NSG2: variants seen among roughly 807,000 people sequenced by gnomAD.
NSG2 encodes neuronal vesicle trafficking associated 2.
NSG2 carries 4 observed loss-of-function variants against 16.9 expected under a neutral mutation model. The observed-to-expected ratio is 0.24, with a 90% CI of 0.12 to 0.54. The LOEUF (loss-of-function observed/expected upper bound fraction) is 0.54, where lower values mean the gene tolerates loss of function less well. Among genes scored for constraint, NSG2 ranks in the 20% least tolerant of loss-of-function variants. The pLI, the probability that NSG2 is intolerant of heterozygous loss-of-function variation, is 0.95. For synonymous variants in NSG2, 98 were observed against 88.7 expected (o/e 1.11, Z -0.59); for missense variants, 179 against 221.1 (o/e 0.81, Z 1.21).
intron 3 of NSG2, among the ~76,000 whole-genome samples, chr5:174,094,466 G>GA (rs1185240918): frequency 1.3e-5 from 2 of 152,132 alleles, no homozygotes; most frequent in African/African-American, 4.8e-5. Flanking sequence ...AACAGATGAA[G>GA]AAAAAGGGGC....
intron 3 of NSG2, among the ~76,000 whole-genome samples, chr5:174,073,573 C>T (rs1760280696): frequency 6.6e-6 from 1 of 152,140 alleles, no homozygotes; most frequent in Non-Finnish European, 1.5e-5. Context: ...TGTCCAGGTG[C>T]TTTCGCCTGG....
intron 3 of NSG2, among the ~76,000 whole-genome samples, chr5:174,079,237 TTCTC>T (rs1004594670): frequency 6.1e-5 from 9 of 146,678 alleles, no homozygotes; most frequent in Non-Finnish European, 1.2e-4. Context: ...CTGCATGTCT[TTCTC>T]TCTCTTTCTC....
At chr5:174,091,990 T>G (rs897399078) in intron 3 of NSG2, among the ~76,000 whole-genome samples, 10 of 152,150 alleles carry the variant, frequency 6.6e-5, no homozygotes, top group African/African-American at 2.4e-4. Context: ...AGGATGTGAG[T>G]TTCTTGCCCT....
At chr5:174,087,789 A>AC (rs1262265512) in intron 3 of NSG2, among the ~76,000 whole-genome samples, 53 of 142,706 alleles carry the variant, frequency 3.7e-4, no homozygotes, top group Middle Eastern at 3.8e-3. Context: ...CCCTGTGTCA[A>AC]AAAAAAAAAA....
chr5:174,102,085 G>C (rs1242710644), intron 3 of NSG2, among the ~76,000 whole-genome samples: 3 of 152,108 alleles, frequency 2.0e-5, no homozygotes, highest in Non-Finnish European at 2.9e-5. Flanking sequence ...GACAGCACAT[G>C]GTGTCAACAG....
Position 174,108,175 on chromosome 5 carries a change from G to A in NSG2, c.*670G>A, listed in dbSNP as rs995483499. The A allele has an allele frequency of 3.7e-5, 7 of 187,710 alleles. No individual in the cohort carries two copies. Among genetic ancestry groups the A allele is most frequent in the South Asian group, 9.6e-5 (1 of 10,386 alleles). 11.6% of individuals were successfully genotyped at this position (187,710 alleles called of 1,614,324 possible). On this transcript the variant is annotated 3_prime_UTR_variant, in exon 5 of 5. Coordinates refer to ENST00000303177, the MANE Select transcript of NSG2 (RefSeq NM_015980.5). The stretch of plus-strand genomic sequence containing the variant: ...GGGCCTCCATCCTAGGACCTGGGCA[G>A]ACCCACATGGCCTGGGCTCTGAATG...
rs200056726 is a variant in NSG2 at position 174,064,343 on chromosome 5, G to A, written c.213+28G>A. On this transcript the variant is annotated intron_variant, in intron 3 of 4. Transcript: ENST00000303177. Reference sequence around the variant, plus strand: ...CAGTTTCTTGATGGTGTAATAGAAAGAGTAAAGGAGAGGCTGGCTCCAGCC... The same window carrying A: ...CAGTTTCTTGATGGTGTAATAGAAAAAGTAAAGGAGAGGCTGGCTCCAGCC... 1.6e-5 allele frequency: 25 copies of A among 1,545,544 alleles called. No individual in the cohort carries two copies. In the Admixed American group the frequency reaches 3.0e-4, roughly 19 times the overall value.
At chr5:174,104,526 G>A (rs1760947220) in intron 4 of NSG2, among the ~76,000 whole-genome samples, 188 bp downstream of exon 4, 1 of 152,298 alleles carries the variant, frequency 6.6e-6, no homozygotes, top group African/African-American at 2.4e-5. Flanking sequence ...AAGCAGTAGA[G>A]TTCCTCCCCC....
chr5:174,071,824 G>A (rs1760247730), intron 3 of NSG2, among the ~76,000 whole-genome samples: 1 of 152,198 alleles, frequency 6.6e-6, no homozygotes, highest in Non-Finnish European at 1.5e-5. Flanking sequence ...CGGGTAGACA[G>A]GGTCAGGGAA....
chr5:174,076,678 A>G (rs1234506022), intron 3 of NSG2, among the ~76,000 whole-genome samples: 1 of 152,200 alleles, frequency 6.6e-6, no homozygotes, highest in East Asian at 1.9e-4. Context: ...TTCATCCCCA[A>G]GAGGCCTGGA....
chr5:174,071,860 C>T (rs926186997), intron 3 of NSG2, among the ~76,000 whole-genome samples: 32 of 152,166 alleles, frequency 2.1e-4, no homozygotes, highest in Non-Finnish European at 4.4e-4. Flanking sequence ...AGGGGATCCC[C>T]GGCTACACAG....
intron 3 of NSG2, among the ~76,000 whole-genome samples, chr5:174,067,171 T>A (rs377369300): frequency 6.6e-6 from 1 of 152,272 alleles, no homozygotes; most frequent in African/African-American, 2.4e-5. Flanking sequence ...TCTATGGCTG[T>A]GTTATTAGCA....
At chr5:174,059,274 A>T (rs560336770) in intron 2 of NSG2, among the ~76,000 whole-genome samples, 1 of 152,302 alleles carries the variant, frequency 6.6e-6, no homozygotes, top group African/African-American at 2.4e-5. Flanking sequence ...TCATCAATGT[A>T]TATGTAGTAT....
intron 3 of NSG2, among the ~76,000 whole-genome samples, chr5:174,077,465 C>T (rs533489211): frequency 3.3e-5 from 5 of 152,122 alleles, no homozygotes; most frequent in Non-Finnish European, 7.3e-5. Flanking sequence ...CAGTCTCCTC[C>T]GAACAAGCTA....
rs373836042 is a variant in NSG2 at position 174,074,466 on chromosome 5, G to T, written c.213+10151G>T. On this transcript the variant is annotated intron_variant, in intron 3 of 4. Coordinates refer to ENST00000303177, the MANE Select transcript of NSG2 (RefSeq NM_015980.5). ...TCCCAGGTGACGCTGCCGTAGCTCA[G>T]TTGCTCCTCTTGGCTTACCCTTTCC... 2.8e-4 allele frequency among the ~76,000 whole-genome samples: 43 copies of T among 152,184 alleles called. 1 individual carries two copies. Among genetic ancestry groups the T allele is most frequent in the African/African-American group, 1.0e-3 (42 of 41,526 alleles).
chr5:174,056,696 G>C (rs1005060071), intron 2 of NSG2: 1 of 152,086 alleles, frequency 6.6e-6, no homozygotes, highest in Non-Finnish European at 1.5e-5. Context: ...AGGGATGATG[G>C]GTATAGCTTA....
At chr5:174,095,231 A>G (rs1374028597) in intron 3 of NSG2, among the ~76,000 whole-genome samples, 1 of 152,210 alleles carries the variant, frequency 6.6e-6, no homozygotes, top group African/African-American at 2.4e-5. Flanking sequence ...TGTAGCACGT[A>G]TACCAGGCAC....
chr5:174,048,158 G>T (rs1561659965), intron 2 of NSG2, among the ~76,000 whole-genome samples: 1 of 152,204 alleles, frequency 6.6e-6, no homozygotes, highest in Non-Finnish European at 1.5e-5. Flanking sequence ...ATTCTGAACA[G>T]GCAACTAACA....
intron 4 of NSG2, among the ~76,000 whole-genome samples, chr5:174,105,373 C>G (rs1381571387): frequency 1.3e-5 from 2 of 152,230 alleles, no homozygotes; most frequent in African/African-American, 2.4e-5. Context: ...CCACTGCTCA[C>G]AGCCAATGAC....
Sources: gnomAD v4.1 joint callset for allele counts (sites outside exome capture counted in the v4.1 genomes callset) on GRCh38, gnomAD v4.1.1 for gene constraint, MANE v1.5 for transcripts, NCBI Gene and HGNC (gene_info 2026-07-23, HGNC 2026-07-21) for gene names.